The following WNT5A variants were observed in gnomAD, a reference collection of about 807,000 sequenced individuals.
The protein encoded by WNT5A is protein Wnt-5a.
A neutral mutation model predicts 42.1 loss-of-function variants in WNT5A; 9 were observed. The ratio of observed to expected loss-of-function variants is 0.21; its 90% CI spans 0.13 to 0.37. The LOEUF is 0.37. Ranked by LOEUF, WNT5A falls within the 10% of genes least tolerant of loss-of-function variation. WNT5A has a pLI of 1.00. For missense variants in WNT5A, 426 were observed against 534.0 expected, an observed-to-expected ratio of 0.80 and a Z score of 1.99; for synonymous variants, 210 against 210.0, an observed-to-expected ratio of 1.00 and a Z score of 0.00.
chr3:55,474,664 C>T (rs373486641), intron 3 of WNT5A, 35 bp from the exon 4 acceptor site: 698 of 1,348,274 alleles, frequency 5.2e-4, no homozygotes, highest in Non-Finnish European at 5.7e-4. Flanking sequence ...TGGCCGCCTG[C>T]CTCACGCGCT....
upstream of WNT5A, among the ~76,000 whole-genome samples, chr3:55,488,623 C>T (rs2107021436): frequency 6.6e-6 from 1 of 152,184 alleles, no homozygotes; most frequent in Non-Finnish European, 1.5e-5. Context: ...GGTACACTCT[C>T]CTTGTCTCCC....
Position 55,476,044 on chromosome 3 carries a change from A to G in WNT5A, c.392-1415T>C, listed in dbSNP as rs191728152. Among the ~76,000 whole-genome samples, 209 of 152,304 alleles carry G rather than the reference A, an allele frequency of 1.4e-3. 2 individuals are homozygous for G. The highest frequency in any genetic ancestry group is 2.5e-3 in the Non-Finnish European group (169 of 68,026). On this transcript the variant is annotated intron_variant, in intron 3 of 4. Transcript: ENST00000264634. ...GAAATTCATGTACCGCAATCAGTTT[A>G]TCCTATACTTACTTTGAGAGCTTGC...
At chr3:55,470,761 T>C (rs1293507580) in intron 4 of WNT5A, among the ~76,000 whole-genome samples, 1 of 152,192 alleles carries the variant, frequency 6.6e-6, no homozygotes, top group Non-Finnish European at 1.5e-5. Flanking sequence ...CATTATTATA[T>C]CATTATCAAC....
Position 55,474,383 on chromosome 3 carries a change from C to T in WNT5A, c.638G>A (p.Ser213Asn), listed in dbSNP as rs2051309332. Residue 213 changes from serine (S) to asparagine (N), a missense_variant, in exon 4 of 5, where the codon AGT becomes AAT. Around this residue, in one of 3 missense-constraint regions of WNT5A, gnomAD observed 358 missense variants for 468.1 expected, o/e 0.76. Coordinates refer to ENST00000264634, the MANE Select transcript of WNT5A (RefSeq NM_003392.7). The part of the protein sequence containing the change: ...ERIHAKGSYE[S>N]ARILMNLHNN... ...GTGCAGGTTCATGAGGATGCGAGCA[C>T]TCTCGTAGGAGCCCTTGGCGTGGAT... is the stretch of plus-strand genomic sequence containing the variant. 1.9e-6 allele frequency: 3 copies of T among 1,612,836 alleles called. No individual in the cohort carries two copies. The highest frequency in any genetic ancestry group is 2.7e-5 in the African/African-American group (2 of 74,912).
intron 4 of WNT5A, among the ~76,000 whole-genome samples, chr3:55,472,538 C>T (rs2051272517): frequency 6.6e-6 from 1 of 152,060 alleles, no homozygotes; most frequent in African/African-American, 2.4e-5. Flanking sequence ...GGGGCTGACC[C>T]CACCCCCCCC....
At position 55,466,295 on chromosome 3, in the gene WNT5A, ATC is replaced by A. The variant is rs2051142423; in HGVS notation, c.*3795_*3796del. 1 of 152,140 alleles carries A rather than the reference ATC, an allele frequency of 6.6e-6. No individual in the cohort carries two copies. The highest frequency in any genetic ancestry group is 1.5e-5 in the Non-Finnish European group (1 of 68,028). 9.4% of individuals were successfully genotyped at this position (152,140 alleles called of 1,614,324 possible). A position where few individuals can be genotyped will look rare whatever the true frequency, so the allele number is the denominator to read the frequency against. On this transcript the variant is annotated 3_prime_UTR_variant, in exon 5 of 5. Coordinates refer to ENST00000264634, the MANE Select transcript of WNT5A (RefSeq NM_003392.7). ...GCTTCAAGTTATAACTACCTTTTCT[ATC>A]TCTCTATATATTGTGGGCCACTAAG...
intron 4 of WNT5A, among the ~76,000 whole-genome samples, chr3:55,473,320 G>A (rs1327096485): frequency 6.6e-6 from 1 of 152,184 alleles, no homozygotes; most frequent in East Asian, 1.9e-4. Flanking sequence ...ACAGAAGAGT[G>A]AAATCTCTGA....
At chr3:55,497,826 G>C in the WNT5A span, among the ~76,000 whole-genome samples, 4 of 152,160 alleles carry the variant, frequency 2.6e-5, no homozygotes, top group Non-Finnish European at 5.9e-5. Flanking sequence ...GAGAGAGATA[G>C]AAGGGAAGAG....
In WNT5A at chr3:55,487,219, G is replaced by A. The variant is rs1458004455; in HGVS notation, c.-234C>T. On this transcript the variant is annotated 5_prime_UTR_variant, in exon 1 of 5. Coordinates refer to ENST00000264634, the MANE Select transcript of WNT5A (RefSeq NM_003392.7). ...TGCGCCCAGGAATGGAGGGGGCGCG[G>A]ACGCGCGCGAGCCGGCAGCAAGGGC... 2.0e-6 allele frequency: 1 copy of A among 500,008 alleles called. No homozygotes were observed. The allele number at this position is 500,008 out of a possible 1,614,324, so 31.0% of individuals were successfully genotyped here.
intron 2 of WNT5A, among the ~76,000 whole-genome samples, chr3:55,480,568 T>C (rs2051438266): frequency 6.6e-6 from 1 of 152,192 alleles, no homozygotes; most frequent in Non-Finnish European, 1.5e-5. Flanking sequence ...CCTAGATTTA[T>C]AGTTTCCCAT....
In WNT5A at chr3:55,480,867, C is replaced by T. The variant is rs1476385299; in HGVS notation, c.58G>A (p.Ala20Thr). The T allele has an allele frequency of 1.3e-6, 2 of 1,588,096 alleles. No individual in the cohort carries two copies. The highest frequency in any genetic ancestry group is 1.7e-6 in the Non-Finnish European group (2 of 1,165,884). Reference protein sequence around the residue: ...PGVALGMAGSAMSSKFFLVAL... With the variant: ...PGVALGMAGSTMSSKFFLVAL... ...ACTAGGAAGAACTTGGAAGACATTG[C>T]ACTTCCAGCCATCCCCAAAGCAACT... is the stretch of plus-strand genomic sequence containing the variant. Residue 20 changes from alanine (A) to threonine (T), a missense_variant, in exon 2 of 5, where the codon GCA (alanine) becomes ACA (threonine). Ala to Thr is a moderately conservative substitution (Grantham distance 58, BLOSUM62 0). Transcript: ENST00000264634.
At chr3:55,502,470 C>A in the WNT5A span, among the ~76,000 whole-genome samples, 1 of 152,188 alleles carries the variant, frequency 6.6e-6, no homozygotes, top group African/African-American at 2.4e-5. Flanking sequence ...CACCTTGTTT[C>A]TCTCAAGCTA....
Position 55,480,852 on chromosome 3 carries a change from A to T in WNT5A, c.73T>A (p.Phe25Ile). 6.3e-7 allele frequency: 1 copy of T among 1,588,498 alleles called. No homozygotes were observed. The highest frequency in any genetic ancestry group is 8.6e-7 in the Non-Finnish European group (1 of 1,165,990). Residue 25 changes from phenylalanine to isoleucine, a missense_variant, in exon 2 of 5, where the codon TTC becomes ATC. Physicochemically the swap from Phe to Ile is conservative, Grantham distance 21. Transcript: ENST00000264634. ...GMAGSAMSSK[F>I]FLVALAIFFS... is the part of the protein sequence containing the mutation. ...AATATGGCCAAAGCCACTAGGAAGA[A>T]CTTGGAAGACATTGCACTTCCAGCC...
chr3:55,474,260 C>T, intron 4 of WNT5A, 77 bp downstream of exon 4: 1 of 1,584,798 alleles, frequency 6.3e-7, no homozygotes, highest in Non-Finnish European at 8.6e-7. Context: ...GACGGAGCTA[C>T]AGGGAGAGAC....
intron 4 of WNT5A, 55 bp from the exon 5 acceptor site, chr3:55,470,605 G>A: frequency 7.0e-7 from 1 of 1,430,856 alleles, no homozygotes; most frequent in Non-Finnish European, 9.2e-7. Context: ...CCAGATGCAG[G>A]CTATAGGAAC....
intron 1 of WNT5A, chr3:55,481,248 C>A (rs893199225): frequency 5.0e-6 from 5 of 992,138 alleles, no homozygotes; most frequent in East Asian, 1.7e-4. Context: ...CCCCTGGCCC[C>A]CCTCTAGTTG....
At chr3:55,481,107 C>T in intron 1 of WNT5A, 189 bp from the exon 2 acceptor site, 1 of 714,334 alleles carries the variant, frequency 1.4e-6, no homozygotes, top group Non-Finnish European at 1.9e-6. Flanking sequence ...CACGCAACCT[C>T]ACCAGGAAAT....
At chr3:55,497,192 AAT>A in the WNT5A span, among the ~76,000 whole-genome samples, 1 of 152,216 alleles carries the variant, frequency 6.6e-6, no homozygotes, top group Non-Finnish European at 1.5e-5. Context: ...GAGCCTCCTA[AAT>A]ATGTTTGTAA....
At chr3:55,473,744 G>C (rs774615923) in intron 4 of WNT5A, among the ~76,000 whole-genome samples, 2 of 152,174 alleles carry the variant, frequency 1.3e-5, no homozygotes, top group Non-Finnish European at 2.9e-5. Flanking sequence ...AGAGAGGCAG[G>C]GAGAAAGAAA....
Sources: gnomAD v4.1 joint callset for allele counts (sites outside exome capture counted in the v4.1 genomes callset) on GRCh38, gnomAD v4.1.1 for gene constraint, gnomAD v4.1.1 regional missense constraint, MANE v1.5 for transcripts, NCBI Gene and HGNC (gene_info 2026-07-23, HGNC 2026-07-21) for gene names.